The following MTFR1 variants were observed in gnomAD, a reference collection of about 807,000 sequenced individuals.
MTFR1 encodes mitochondrial fission regulator 1.
Under a neutral mutation model 38.8 loss-of-function variants are expected in MTFR1, and 28 were observed. That is an observed-to-expected ratio of 0.72 (90% CI 0.53 to 0.99). The LOEUF (loss-of-function observed/expected upper bound fraction) is 0.99. Ranked by LOEUF, MTFR1 falls within the 50% of genes least tolerant of loss-of-function variation. MTFR1 has a pLI of 0.00. For missense variants in MTFR1, 358 were observed against 395.5 expected, an observed-to-expected ratio of 0.91 and a Z score of 0.81; for synonymous variants, 145 against 137.0, an observed-to-expected ratio of 1.06 and a Z score of -0.41.
chr8:65,699,886 T>C (rs911263648), intron 4 of MTFR1, among the ~76,000 whole-genome samples: 1 of 152,234 alleles, frequency 6.6e-6, no homozygotes, highest in African/African-American at 2.4e-5. Flanking sequence ...GCTGAAGCTC[T>C]TCAATATATT....
intron 4 of MTFR1, among the ~76,000 whole-genome samples, chr8:65,697,290 A>C (rs1216427275): frequency 1.3e-5 from 2 of 152,114 alleles, no homozygotes; most frequent in African/African-American, 4.8e-5. Flanking sequence ...TGGCCAAACA[A>C]AGGTGTCTCT....
intron 2 of MTFR1, among the ~76,000 whole-genome samples, chr8:65,675,868 C>G (rs977312387): frequency 3.9e-5 from 6 of 152,168 alleles, no homozygotes; most frequent in African/African-American, 1.4e-4. Flanking sequence ...TCACATATCT[C>G]CAAACTTTTT....
chr8:65,758,190 C>A (rs775913435), intron 3 of MTFR1, among the ~76,000 whole-genome samples: 1 of 152,174 alleles, frequency 6.6e-6, no homozygotes, highest in African/African-American at 2.4e-5. Flanking sequence ...ATTTTTACCA[C>A]TAGGCAATAA....
intron 3 of MTFR1, chr8:65,724,182 A>G: frequency 1.1e-6 from 1 of 892,506 alleles, no homozygotes; most frequent in Non-Finnish European, 1.9e-6. Context: ...TAAATTATTG[A>G]GTTATTTTAT....
Position 65,754,710 on chromosome 8 carries a change from T to C in MTFR1, c.*49-16237T>C, listed in dbSNP as rs555567745. ...GGCTGGGCACAGTGGCTCACGCCTGTAATCCCAGCACTTTGGGAGGCTGAG... is the reference window on the plus strand; with the variant it reads ...GGCTGGGCACAGTGGCTCACGCCTGCAATCCCAGCACTTTGGGAGGCTGAG... On this transcript the variant is annotated intron_variant, in intron 3 of 3. Transcript: ENST00000521247. Among the ~76,000 whole-genome samples the C allele has an allele frequency of 2.9e-3, 428 of 148,382 alleles. 3 individuals are homozygous for C. The highest frequency in any genetic ancestry group is 9.9e-3 in the African/African-American group (405 of 40,800).
At chr8:65,651,425 A>G (rs1335500879) in intron 1 of MTFR1, among the ~76,000 whole-genome samples, 1 of 152,196 alleles carries the variant, frequency 6.6e-6, no homozygotes, top group Non-Finnish European at 1.5e-5. Flanking sequence ...CAGTAGTTTC[A>G]TAGTTTGAGG....
intron 3 of MTFR1, among the ~76,000 whole-genome samples, chr8:65,746,606 C>G (rs1013046195): frequency 6.6e-6 from 1 of 152,048 alleles, no homozygotes; most frequent in African/African-American, 2.4e-5. Context: ...TAGAAAAAAA[C>G]TTATATTTTA....
chr8:65,662,413 A>G (rs1351021399), intron 1 of MTFR1, among the ~76,000 whole-genome samples: 1 of 151,200 alleles, frequency 6.6e-6, no homozygotes, highest in South Asian at 2.1e-4. Context: ...AATGGTGCCC[A>G]GGCTGGAGTG....
intron 3 of MTFR1, among the ~76,000 whole-genome samples, chr8:65,686,084 A>G (rs1217016558): frequency 1.3e-5 from 2 of 152,214 alleles, no homozygotes; most frequent in Non-Finnish European, 2.9e-5. Context: ...CTGAAGATGC[A>G]TACCTGGATT....
At chr8:65,657,705 C>CT (rs1184138637) in intron 1 of MTFR1, among the ~76,000 whole-genome samples, 36 of 144,928 alleles carry the variant, frequency 2.5e-4, no homozygotes, top group African/African-American at 7.9e-4. Flanking sequence ...GAGACTGTCT[C>CT]TAAAAAAAAA....
At chr8:65,678,322 C>T (rs1034365632) in intron 2 of MTFR1, among the ~76,000 whole-genome samples, 2 of 152,066 alleles carry the variant, frequency 1.3e-5, no homozygotes, top group African/African-American at 4.8e-5. Flanking sequence ...GTAGTCAGAC[C>T]TAGTTTTAGA....
chr8:65,739,335 A>G (rs992474794), intron 3 of MTFR1, among the ~76,000 whole-genome samples: 2 of 152,210 alleles, frequency 1.3e-5, no homozygotes, highest in Non-Finnish European at 2.9e-5. Flanking sequence ...AGAAGCATTT[A>G]ACAGCCCCAC....
downstream of MTFR1, among the ~76,000 whole-genome samples, chr8:65,715,376 A>AAAGTTTTTTTTTTTTTTTTGAG (rs1806091060): frequency 6.6e-6 from 1 of 151,322 alleles, no homozygotes; most frequent in African/African-American, 2.4e-5. Flanking sequence ...TCTCTATAAA[A>AAAGTTTTTTTTTTTTTTTTGAG]AAGTTTTTTT....
At chr8:65,665,717 G>C (rs1804361806) in intron 1 of MTFR1, among the ~76,000 whole-genome samples, 1 of 152,152 alleles carries the variant, frequency 6.6e-6, no homozygotes, top group Non-Finnish European at 1.5e-5. Context: ...CTTAACTCCT[G>C]AGCTCAAGGG....
chr8:65,768,062 C>A (rs1393671735), intron 3 of MTFR1, among the ~76,000 whole-genome samples: 1 of 152,094 alleles, frequency 6.6e-6, no homozygotes, highest in Non-Finnish European at 1.5e-5. Context: ...TTAGAGGACA[C>A]CCAGTTGGTG....
intron 3 of MTFR1, among the ~76,000 whole-genome samples, chr8:65,770,247 C>T (rs918906842): frequency 6.6e-6 from 1 of 151,702 alleles, no homozygotes; most frequent in African/African-American, 2.4e-5. Flanking sequence ...CTGTTTTCAA[C>T]GCTGCTGATA....
chr8:65,740,960 G>A (rs577349672), intron 3 of MTFR1, among the ~76,000 whole-genome samples: 42 of 152,220 alleles, frequency 2.8e-4, no homozygotes, highest in East Asian at 7.7e-4. Flanking sequence ...GCTGCTACAC[G>A]CAATGGGGAC....
At chr8:65,666,525 A>C (rs1231037665) in intron 1 of MTFR1, among the ~76,000 whole-genome samples, 1 of 152,240 alleles carries the variant, frequency 6.6e-6, no homozygotes, top group African/African-American at 2.4e-5. Context: ...ATCTAGTTTG[A>C]GTCCTAACTT....
chr8:65,655,112 A>G (rs1008044816), intron 1 of MTFR1, among the ~76,000 whole-genome samples: 5 of 152,330 alleles, frequency 3.3e-5, no homozygotes, highest in African/African-American at 9.6e-5. Flanking sequence ...TACTTAATTC[A>G]TCTGCATGTG....
Sources: gnomAD v4.1 joint callset for allele counts (sites outside exome capture counted in the v4.1 genomes callset) on GRCh38, gnomAD v4.1.1 for gene constraint, MANE v1.5 for transcripts, NCBI Gene and HGNC (gene_info 2026-07-23, HGNC 2026-07-21) for gene names.